KCNK1: variants seen among roughly 807,000 people sequenced by gnomAD.
KCNK1 encodes potassium two pore domain channel subfamily K member 1.
KCNK1 carries 10 observed loss-of-function variants against 22.2 expected under a neutral mutation model. The ratio of observed to expected loss-of-function variants is 0.45; its 90% confidence interval spans 0.28 to 0.76. The LOEUF (loss-of-function observed/expected upper bound fraction) is 0.76, where lower values mean the gene tolerates loss of function less well. Among genes scored for constraint, KCNK1 ranks in the 30% least tolerant of loss-of-function variants. The pLI, the probability that KCNK1 is intolerant of heterozygous loss-of-function variation, is 0.14. For missense variants in KCNK1, 378 were observed against 421.0 expected (o/e 0.90, Z 0.89); for synonymous variants, 200 against 186.4 (o/e 1.07, Z -0.60).
intron 1 of KCNK1, among the ~76,000 whole-genome samples, chr1:233,633,971 G>A (rs950944865): frequency 2.6e-5 from 4 of 152,114 alleles, no homozygotes; most frequent in East Asian, 3.9e-4. Flanking sequence ...CAATGACTAC[G>A]ATGAGAAGGG....
chr1:233,649,670 T>A (rs1203101699), intron 1 of KCNK1, among the ~76,000 whole-genome samples: 6 of 152,166 alleles, frequency 3.9e-5, no homozygotes, highest in Admixed American at 3.9e-4. Context: ...AAGGGGCAAA[T>A]AGGCTCCCTC....
At chr1:233,622,403 C>G (rs887102673) in intron 1 of KCNK1, among the ~76,000 whole-genome samples, 1 of 152,216 alleles carries the variant, frequency 6.6e-6, no homozygotes, top group Non-Finnish European at 1.5e-5. Flanking sequence ...TTGACTGTGT[C>G]ATGCCCAGGT....
At chr1:233,618,384 GTT>G (rs201768311) in intron 1 of KCNK1, among the ~76,000 whole-genome samples, 4 of 146,792 alleles carry the variant, frequency 2.7e-5, no homozygotes, top group African/African-American at 7.5e-5. Flanking sequence ...TCTATACTGT[GTT>G]TTTTTTTTTT....
chr1:233,637,859 C>G (rs974088092), intron 1 of KCNK1, among the ~76,000 whole-genome samples: 2 of 151,896 alleles, frequency 1.3e-5, no homozygotes, highest in Non-Finnish European at 1.5e-5. Flanking sequence ...ATTTAAAACC[C>G]TTAAGACCAG....
rs113151675 is a variant in KCNK1 at position 233,643,697 on chromosome 1, G to A, written c.356-22898G>A. ...ACTGCTTCACTTCTTCTTACTTAGT[G>A]CATGAATGTGGTAGGGCTGGATTCA... On this transcript the variant is annotated intron_variant, in intron 1 of 2. Coordinates refer to ENST00000366621, the MANE Select transcript of KCNK1 (RefSeq NM_002245.4). Among the ~76,000 whole-genome samples, 1,227 of 152,226 alleles carry A rather than the reference G, an allele frequency of 8.1e-3. 11 individuals are homozygous for A. Among genetic ancestry groups the A allele is most frequent in the African/African-American group, 0.02 (820 of 41,524 alleles).
intron 1 of KCNK1, among the ~76,000 whole-genome samples, chr1:233,619,110 TG>T (rs778692519): frequency 2.0e-5 from 3 of 152,162 alleles, no homozygotes; most frequent in Non-Finnish European, 4.4e-5. Context: ...CTCTAACTCC[TG>T]GGCTTAGTTG....
intron 1 of KCNK1, among the ~76,000 whole-genome samples, chr1:233,638,373 C>T (rs1264716060): frequency 6.6e-6 from 1 of 151,490 alleles, no homozygotes; most frequent in Non-Finnish European, 1.5e-5. Context: ...AAAAATGGCT[C>T]TTTTCCTTGT....
intron 1 of KCNK1, among the ~76,000 whole-genome samples, chr1:233,636,982 G>T (rs1053539255): frequency 1.3e-5 from 2 of 151,998 alleles, no homozygotes; most frequent in African/African-American, 4.8e-5. Flanking sequence ...GGATCATGAG[G>T]TCAGGAGATC....
intron 1 of KCNK1, among the ~76,000 whole-genome samples, chr1:233,658,233 A>G (rs1658333795): frequency 6.6e-6 from 1 of 152,216 alleles, no homozygotes; most frequent in East Asian, 1.9e-4. Context: ...ACAGGGATCC[A>G]TTAGAGTTGG....
chr1:233,645,304 C>A (rs116078910), intron 1 of KCNK1, among the ~76,000 whole-genome samples: 1,765 of 152,216 alleles, frequency 0.012, 30 homozygotes, highest in Non-Finnish European at 0.014. Flanking sequence ...ACCCTAACCT[C>A]TGGAAACTGT....
At chr1:233,616,495 G>GTA (rs1331411159) in intron 1 of KCNK1, among the ~76,000 whole-genome samples, 3 of 152,098 alleles carry the variant, frequency 2.0e-5, no homozygotes, top group Non-Finnish European at 2.9e-5. Flanking sequence ...CTTATTATTG[G>GTA]TATTCAGATT....
At chr1:233,620,981 C>T (rs989023065) in intron 1 of KCNK1, among the ~76,000 whole-genome samples, 3 of 152,144 alleles carry the variant, frequency 2.0e-5, no homozygotes, top group Admixed American at 6.5e-5. Flanking sequence ...GAGGATGAAA[C>T]GGAAATTAAT....
chr1:233,663,342 G>T (rs1022606987), intron 1 of KCNK1, among the ~76,000 whole-genome samples: 1 of 152,192 alleles, frequency 6.6e-6, no homozygotes, highest in African/African-American at 2.4e-5. Context: ...CATTACTGCA[G>T]AGAGAGGTCT....
intron 1 of KCNK1, chr1:233,649,913 T>C (rs761050300): frequency 5.3e-5 from 28 of 532,310 alleles, no homozygotes; most frequent in Non-Finnish European, 1.0e-4. Context: ...AACACCATCC[T>C]CTTCTGTGTT....
At chr1:233,655,987 A>T (rs1249454648) in intron 1 of KCNK1, among the ~76,000 whole-genome samples, 1 of 152,058 alleles carries the variant, frequency 6.6e-6, no homozygotes, top group African/African-American at 2.4e-5. Flanking sequence ...CATCATTTTC[A>T]GTTAATCGTA....
chr1:233,653,840 A>G (rs935868140), intron 1 of KCNK1, among the ~76,000 whole-genome samples: 1 of 152,060 alleles, frequency 6.6e-6, no homozygotes, highest in Non-Finnish European at 1.5e-5. Context: ...TATATATCCT[A>G]TTGCTTCTGT....
intron 2 of KCNK1, among the ~76,000 whole-genome samples, chr1:233,670,073 G>A (rs1571907460): frequency 6.6e-6 from 1 of 151,942 alleles, no homozygotes. Flanking sequence ...CAGAATTTTT[G>A]TTATTCTTGG....
intron 1 of KCNK1, among the ~76,000 whole-genome samples, chr1:233,622,042 CTG>C (rs1275010343): frequency 6.6e-6 from 1 of 152,118 alleles, no homozygotes; most frequent in Non-Finnish European, 1.5e-5. Flanking sequence ...TATGACATAA[CTG>C]TAAGTCCTAT....
At chr1:233,626,873 A>G (rs601864) in intron 1 of KCNK1, among the ~76,000 whole-genome samples, 91,704 of 152,028 alleles carry the variant, frequency 0.6, 29,778 homozygotes, top group South Asian at 0.73. Context: ...ATCGTTTAAT[A>G]AAAATTATAT....
Sources: gnomAD v4.1 joint callset for allele counts (sites outside exome capture counted in the v4.1 genomes callset) on GRCh38, gnomAD v4.1.1 for gene constraint, MANE v1.5 for transcripts, NCBI Gene and HGNC (gene_info 2026-07-23, HGNC 2026-07-21) for gene names.